BMPR1B: variants seen among roughly 807,000 people sequenced by gnomAD.
The protein encoded by BMPR1B is bone morphogenetic protein receptor type 1B, also known as bone morphogenetic protein receptor type-1B.
In BMPR1B, 12 loss-of-function variants were observed where a neutral mutation model predicts 59.1. That is an observed-to-expected ratio of 0.20 (90% CI 0.13 to 0.33). BMPR1B has a LOEUF of 0.33. BMPR1B is among the 10% of genes least tolerant of loss of function. BMPR1B has a pLI of 1.00. For synonymous variants in BMPR1B, 237 were observed against 207.3 expected, an observed-to-expected ratio of 1.14 and a Z score of -1.23; for missense variants, 550 against 610.9, an observed-to-expected ratio of 0.90 and a Z score of 1.05.
At chr4:94,791,135 C>G (rs35627971) in intron 1 of BMPR1B, among the ~76,000 whole-genome samples, 1 of 151,788 alleles carries the variant, frequency 6.6e-6, no homozygotes, top group African/African-American at 2.4e-5. Flanking sequence ...GGATTACAGG[C>G]GTACCACCAC....
At chr4:94,979,289 C>T (rs190583747) in intron 2 of BMPR1B, among the ~76,000 whole-genome samples, 198 of 152,252 alleles carry the variant, frequency 1.3e-3, no homozygotes, top group Non-Finnish European at 8.7e-4. Flanking sequence ...TACAGGTCAA[C>T]TCCAAAGTTA....
chr4:94,792,336 C>T (rs1723016458), intron 1 of BMPR1B, among the ~76,000 whole-genome samples: 1 of 152,102 alleles, frequency 6.6e-6, no homozygotes, highest in Non-Finnish European at 1.5e-5. Context: ...CTGATTTCTT[C>T]AATCTGTTTT....
At chr4:94,830,303 T>C (rs538379348) in intron 1 of BMPR1B, among the ~76,000 whole-genome samples, 4 of 152,322 alleles carry the variant, frequency 2.6e-5, no homozygotes, top group African/African-American at 4.8e-5. Context: ...CGATATGTGA[T>C]TATAGAATTC....
chr4:94,951,514 G>C (rs1009508754), intron 2 of BMPR1B, among the ~76,000 whole-genome samples: 1 of 152,128 alleles, frequency 6.6e-6, no homozygotes, highest in African/African-American at 2.4e-5. Context: ...GGCCTTTTCT[G>C]CATCTGTTGA....
intron 1 of BMPR1B, among the ~76,000 whole-genome samples, chr4:94,819,624 C>T (rs776952325): frequency 2.6e-5 from 4 of 152,276 alleles, no homozygotes; most frequent in Middle Eastern, 3.4e-3. Flanking sequence ...CCCTTCTCCC[C>T]GAGGACCTAG....
intron 2 of BMPR1B, among the ~76,000 whole-genome samples, chr4:94,986,734 T>C (rs577558272): frequency 6.6e-6 from 1 of 150,868 alleles, no homozygotes; most frequent in South Asian, 2.1e-4. Context: ...TTTTAAAAAA[T>C]ATATTTTGAT....
chr4:95,102,822 A>G (rs1560654632), intron 3 of BMPR1B, among the ~76,000 whole-genome samples: 1 of 152,110 alleles, frequency 6.6e-6, no homozygotes, highest in East Asian at 1.9e-4. Flanking sequence ...GTTGGATTAC[A>G]TATTATTTGC....
rs1014017018 is a variant in BMPR1B at position 95,116,431 on chromosome 4, A to G, written c.349+644A>G. On this transcript the variant is annotated intron_variant, in intron 6 of 12. Coordinates refer to ENST00000515059, the MANE Select transcript of BMPR1B (RefSeq NM_001203.3). ...ATGCTTTCAGCGCGCGCACACACAC[A>G]CACACACACACACACACACACACAC... Among the ~76,000 whole-genome samples, 214 of 148,748 alleles carry G rather than the reference A, an allele frequency of 1.4e-3. 1 individual carries two copies. In the Middle Eastern group the frequency reaches 0.017, roughly 12 times the overall value.
chr4:95,124,205 C>T (rs1732741687), intron 7 of BMPR1B, among the ~76,000 whole-genome samples: 1 of 152,030 alleles, frequency 6.6e-6, no homozygotes, highest in Non-Finnish European at 1.5e-5. Context: ...TGATTCCAAG[C>T]AGAGAAATGG....
chr4:94,991,837 C>T (rs1721780926), intron 2 of BMPR1B, among the ~76,000 whole-genome samples: 1 of 152,208 alleles, frequency 6.6e-6, no homozygotes, highest in African/African-American at 2.4e-5. Context: ...TAAGTGACTT[C>T]TGTTACTTCT....
At chr4:94,986,791 C>T (rs542405432) in intron 2 of BMPR1B, among the ~76,000 whole-genome samples, 14 of 151,974 alleles carry the variant, frequency 9.2e-5, no homozygotes, top group South Asian at 4.2e-4. Flanking sequence ...CCTGTAACCC[C>T]GGCACTTTGG....
chr4:94,865,152 G>A (rs112017969), intron 1 of BMPR1B, among the ~76,000 whole-genome samples: 5,724 of 151,772 alleles, frequency 0.038, 351 homozygotes, highest in African/African-American at 0.13. Context: ...TGGGACTACA[G>A]GCATGTGCCA....
intron 3 of BMPR1B, among the ~76,000 whole-genome samples, chr4:95,040,434 C>T (rs184522184): frequency 6.6e-6 from 1 of 152,138 alleles, no homozygotes; most frequent in African/African-American, 2.4e-5. Context: ...GCACAATTGA[C>T]TTTAGGATGA....
At chr4:94,842,913 G>GTGTATGTA (rs150599315) in intron 1 of BMPR1B, among the ~76,000 whole-genome samples, 2,055 of 151,564 alleles carry the variant, frequency 0.014, 27 homozygotes, top group Non-Finnish European at 0.019. Flanking sequence ...TACACACTGT[G>GTGTATGTA]TGTATGCATG....
rs539760281 is a variant in BMPR1B, at chr4:95,045,729, C to T, written c.-18+49595C>T. On this transcript the variant is annotated intron_variant, in intron 3 of 12. Transcript: ENST00000515059. ...CTCAGCATAGCAGGCAGTTACTGTA[C>T]TGCATTGTCATTACTGGATTGTATG... 2.0e-4 allele frequency among the ~76,000 whole-genome samples: 30 copies of T among 152,266 alleles called. No individual in the cohort carries two copies. The East Asian group carries it at 5.4e-3, about 27-fold the overall frequency.
At chr4:94,953,604 A>G (rs1435658322) in intron 2 of BMPR1B, among the ~76,000 whole-genome samples, 12 of 152,238 alleles carry the variant, frequency 7.9e-5, no homozygotes, top group Non-Finnish European at 1.6e-4. Context: ...TCTGGCTTGT[A>G]GGGTTTCTGC....
chr4:94,921,433 T>A (rs1230348754), intron 2 of BMPR1B, among the ~76,000 whole-genome samples: 1 of 152,044 alleles, frequency 6.6e-6, no homozygotes, highest in African/African-American at 2.4e-5. Flanking sequence ...GAAACGTAGC[T>A]CCAGCATCTG....
intron 2 of BMPR1B, among the ~76,000 whole-genome samples, chr4:94,910,230 G>T (rs1352366224): frequency 6.6e-6 from 1 of 152,076 alleles, no homozygotes; most frequent in African/African-American, 2.4e-5. Context: ...GGGCCCTGAG[G>T]TAAGCCAACA....
chr4:94,884,091 C>G (rs739730), intron 2 of BMPR1B, among the ~76,000 whole-genome samples: 59,911 of 152,042 alleles, frequency 0.39, 13,289 homozygotes, highest in African/African-American at 0.59. Context: ...GCCAATCTAA[C>G]GTCCCCCTTG....
Sources: gnomAD v4.1 joint callset for allele counts (sites outside exome capture counted in the v4.1 genomes callset) on GRCh38, gnomAD v4.1.1 for gene constraint, MANE v1.5 for transcripts, NCBI Gene and HGNC (gene_info 2026-07-23, HGNC 2026-07-21) for gene names.